The following R3HDML variants were observed in gnomAD, a reference collection of about 807,000 sequenced individuals.
R3HDML encodes R3H domain containing like.
Under a neutral mutation model 24.2 loss-of-function variants are expected in R3HDML, and 21 were observed. That is an observed-to-expected ratio of 0.87 (90% confidence interval 0.62 to 1.25). R3HDML has a LOEUF of 1.25. Among genes scored for constraint, R3HDML ranks in the 50% most tolerant of loss-of-function variants. The probability of loss-of-function intolerance (pLI) is 0.00; values close to 1 mark genes in which losing one functional copy is unlikely to be tolerated. For missense variants in R3HDML, 301 were observed against 340.3 expected (o/e 0.88, Z 0.91); for synonymous variants, 133 against 131.5 (o/e 1.01, Z -0.08).
chr20:44,346,484 A>G (rs182582690), intron 4 of R3HDML, among the ~76,000 whole-genome samples: 2 of 152,228 alleles, frequency 1.3e-5, no homozygotes, highest in South Asian at 4.1e-4. Context: ...AGGTGGAAAG[A>G]CAGTGTTGCT....
chr20:44,344,673 C>T (rs1171931395), intron 3 of R3HDML, among the ~76,000 whole-genome samples: 1 of 151,772 alleles, frequency 6.6e-6, no homozygotes, highest in Non-Finnish European at 1.5e-5. Flanking sequence ...ATCCCAGCTA[C>T]TCGGGAGGCT....
chr20:44,340,882 C>T (rs1444009911), intron 1 of R3HDML, among the ~76,000 whole-genome samples: 1 of 152,210 alleles, frequency 6.6e-6, no homozygotes, highest in African/African-American at 2.4e-5. Context: ...TAGTTATTTT[C>T]TCATCCTTCT....
chr20:44,341,874 G>T (rs2062773329), intron 2 of R3HDML, among the ~76,000 whole-genome samples: 2 of 152,138 alleles, frequency 1.3e-5, no homozygotes, highest in Admixed American at 1.3e-4. Flanking sequence ...GACAGAGTGA[G>T]ACTGTGTCTC....
chr20:44,347,222 T>C (rs1390875841), intron 4 of R3HDML, among the ~76,000 whole-genome samples: 2 of 97,374 alleles, frequency 2.1e-5, no homozygotes, highest in African/African-American at 6.1e-5. Flanking sequence ...TTCTTTTTTC[T>C]TTTTTTTTTG....
intron 3 of R3HDML, 24 bp from the exon 4 acceptor site, chr20:44,345,239 C>T (rs1450314389): frequency 6.3e-7 from 1 of 1,596,894 alleles, no homozygotes; most frequent in South Asian, 1.1e-5. Context: ...TCTCATAGCC[C>T]CCTCTGTCTC....
chr20:44,349,486 T>C (rs150901472), intron 4 of R3HDML, among the ~76,000 whole-genome samples: 1 of 152,296 alleles, frequency 6.6e-6, no homozygotes, highest in African/African-American at 2.4e-5. Context: ...CAAATCCTGA[T>C]GTTCAATAGG....
Position 44,350,320 on chromosome 20 carries a change from C to A in R3HDML, c.630-340C>A, listed in dbSNP as rs149680887. Among the ~76,000 whole-genome samples the A allele has an allele frequency of 1.8e-3, 274 of 151,778 alleles. 1 individual carries two copies. The highest frequency in any genetic ancestry group is 2.8e-3 in the Non-Finnish European group (193 of 67,960). ...CTTGAGTCCAGAAGTTTGAGACCAG[C>A]CTGAGCAGTATAGGGAGACCCCCCA... On this transcript the variant is annotated intron_variant, in intron 4 of 4. Transcript: ENST00000217043.
intron 3 of R3HDML, chr20:44,345,005 CA>C: frequency 2.1e-6 from 1 of 486,824 alleles, no homozygotes; most frequent in East Asian, 3.8e-5. Context: ...AACTCTTGTT[CA>C]AATTGTGTGT....
chr20:44,339,524 A>T (rs1309462762), intron 1 of R3HDML, among the ~76,000 whole-genome samples: 4 of 152,060 alleles, frequency 2.6e-5, no homozygotes, highest in African/African-American at 9.7e-5. Context: ...GGGAATAATC[A>T]CTAAGACAAA....
Position 44,337,457 on chromosome 20 carries a change from C to T in R3HDML, c.261+39C>T. On this transcript the variant is annotated intron_variant, in intron 1 of 4. Transcript: ENST00000217043. The surrounding 1 kb of genome is among the most constrained non-coding windows in gnomAD (Gnocchi z 4.7). ...CCTGCCCCCCACCCCCCGCAGTGTCCCTTCCGGCAAACGCAGCCGGACTCA... is the reference window on the plus strand; with the variant it reads ...CCTGCCCCCCACCCCCCGCAGTGTCTCTTCCGGCAAACGCAGCCGGACTCA... 1 of 1,589,638 alleles carries T rather than the reference C, an allele frequency of 6.3e-7. No individual in the cohort carries two copies. Among genetic ancestry groups the T allele is most frequent in the African/African-American group, 1.3e-5 (1 of 74,714 alleles).
chr20:44,338,946 C>T (rs996956201), intron 1 of R3HDML, among the ~76,000 whole-genome samples: 4 of 151,648 alleles, frequency 2.6e-5, no homozygotes, highest in African/African-American at 9.7e-5. Context: ...GTGATGAGCG[C>T]CTGTAATCCC....
intron 4 of R3HDML, among the ~76,000 whole-genome samples, chr20:44,346,745 C>G (rs1338425926): frequency 6.6e-6 from 1 of 152,202 alleles, no homozygotes; most frequent in African/African-American, 2.4e-5. Context: ...CTTAGCTTCT[C>G]CAGTTTGCTG....
intron 3 of R3HDML, among the ~76,000 whole-genome samples, chr20:44,344,186 C>T (rs1156395683): frequency 2.6e-5 from 4 of 151,760 alleles, no homozygotes; most frequent in African/African-American, 9.7e-5. Context: ...GAGGCTGAGG[C>T]AGGACAATCA....
Position 44,337,120 on chromosome 20 carries a change from G to T in R3HDML, c.-38G>T. On this transcript the variant is annotated 5_prime_UTR_variant, in exon 1 of 5. Transcript: ENST00000217043. The surrounding 1 kb of genome is among the most constrained non-coding windows in gnomAD (Gnocchi z 4.7). The stretch of plus-strand genomic sequence containing the variant: ...CTGCCCCTTCCAGGCAGCCGGCTCT[G>T]ATTGCACAAGGCAGACCTGTGACTC... 6.3e-7 allele frequency: 1 copy of T among 1,583,808 alleles called. No individual in the cohort carries two copies. Among genetic ancestry groups the T allele is most frequent in the African/African-American group, 1.3e-5 (1 of 74,510 alleles).
rs764287907 is a variant in R3HDML, at chr20:44,337,937, C to T, written c.261+519C>T. Among the ~76,000 whole-genome samples the T allele has an allele frequency of 6.6e-6, 1 of 152,190 alleles. No individual in the cohort carries two copies. The highest frequency in any genetic ancestry group is 6.5e-5 in the Admixed American group (1 of 15,282). ...ACTGACACACCCACAGCATCCTCCA[C>T]AAGCCCCTGGAGGCAGGCTTGGAGC... On this transcript the variant is annotated intron_variant, in intron 1 of 4. Transcript: ENST00000217043. The surrounding 1 kb of genome is among the most constrained non-coding windows in gnomAD (Gnocchi z 4.7).
At chr20:44,344,072 G>A (rs2062779468) in intron 3 of R3HDML, among the ~76,000 whole-genome samples, 1 of 152,114 alleles carries the variant, frequency 6.6e-6, no homozygotes, top group Non-Finnish European at 1.5e-5. Context: ...ACGAGATCAG[G>A]AGATCAAGAC....
At chr20:44,350,479 A>G in intron 4 of R3HDML, 181 bp from the exon 5 acceptor site, 2 of 498,290 alleles carry the variant, frequency 4.0e-6, no homozygotes, top group Non-Finnish European at 6.6e-6. Context: ...TATGGGTGAC[A>G]GAGCAAAACA....
chr20:44,343,261 G>A, intron 2 of R3HDML, 116 bp from the exon 3 acceptor site: 2 of 1,315,832 alleles, frequency 1.5e-6, no homozygotes, highest in South Asian at 1.3e-5. Flanking sequence ...TCACAGATAG[G>A]AAACTGAGAT....
chr20:44,350,932 C>G lies in R3HDML; in HGVS notation c.*140C>G. 1.0e-6 allele frequency: 1 copy of G among 953,886 alleles called. No individual in the cohort carries two copies. The highest frequency in any genetic ancestry group is 1.7e-5 in the South Asian group (1 of 57,976). The allele number at this position is 953,886 out of a possible 1,614,324, so 59.1% of individuals were successfully genotyped here. A position where few individuals can be genotyped will look rare whatever the true frequency, so the allele number is the denominator to read the frequency against. On this transcript the variant is annotated 3_prime_UTR_variant, in exon 5 of 5. Coordinates refer to ENST00000217043, the MANE Select transcript of R3HDML (RefSeq NM_178491.4). ...CCTGTTGAATTTTCCCTCCTAGATC[C>G]CCTTCTTAAATGTCCAACATGGGTC...
Sources: gnomAD v4.1 joint callset for allele counts (sites outside exome capture counted in the v4.1 genomes callset) on GRCh38, gnomAD v4.1.1 for gene constraint, Gnocchi (gnomAD v3.1) non-coding constraint, MANE v1.5 for transcripts, NCBI Gene and HGNC (gene_info 2026-07-23, HGNC 2026-07-21) for gene names.